The following UVRAG variants were observed in gnomAD, a reference collection of about 807,000 sequenced individuals.
UVRAG encodes UV radiation resistance-associated gene protein.
In UVRAG, 19 loss-of-function variants were observed where a neutral mutation model predicts 78.0. That is an observed-to-expected ratio of 0.24 (90% CI 0.17 to 0.36). The LOEUF (loss-of-function observed/expected upper bound fraction) is 0.36. Ranked by LOEUF, UVRAG falls within the 10% of genes least tolerant of loss-of-function variation. UVRAG has a pLI of 1.00. For synonymous variants in UVRAG, 323 were observed against 324.6 expected, an observed-to-expected ratio of 1.00 and a Z score of 0.05; for missense variants, 740 against 853.8, an observed-to-expected ratio of 0.87 and a Z score of 1.66.
intron 13 of UVRAG, among the ~76,000 whole-genome samples, chr11:76,097,252 G>T (rs1386258301): frequency 6.6e-6 from 1 of 152,032 alleles, no homozygotes; most frequent in Non-Finnish European, 1.5e-5. Context: ...TCAGAACCTT[G>T]CTTAAAATTT....
intron 12 of UVRAG, among the ~76,000 whole-genome samples, chr11:76,034,311 C>T (rs1165063401): frequency 2.0e-5 from 3 of 152,084 alleles, no homozygotes; most frequent in Admixed American, 6.5e-5. Flanking sequence ...CCCACCTCAG[C>T]CTCCCGAATA....
intron 3 of UVRAG, among the ~76,000 whole-genome samples, chr11:75,872,067 TAAC>T (rs1209349407): frequency 3.9e-5 from 6 of 152,346 alleles, no homozygotes; most frequent in African/African-American, 1.4e-4. Context: ...ACTTGATAGT[TAAC>T]AAGCTCTTTT....
rs149199286 is a variant in UVRAG at position 76,060,600 on chromosome 11, C to T, written c.1227-5110C>T. Among the ~76,000 whole-genome samples, 1,099 of 152,348 alleles carry T rather than the reference C, an allele frequency of 7.2e-3. 13 individuals carry two copies. The highest frequency in any genetic ancestry group is 0.025 in the African/African-American group (1,043 of 41,580). On this transcript the variant is annotated intron_variant, in intron 12 of 14. Coordinates refer to ENST00000356136, the MANE Select transcript of UVRAG (RefSeq NM_003369.4). The stretch of plus-strand genomic sequence containing the variant: ...AGCGGGAACCAGGGCTGCAGCACGG[C>T]GCTTGCGGGCCAGCTGGAGTTCCGG...
intron 3 of UVRAG, among the ~76,000 whole-genome samples, chr11:75,867,428 CT>C: frequency 6.6e-6 from 1 of 152,250 alleles, no homozygotes; most frequent in African/African-American, 2.4e-5. Flanking sequence ...CATGTTTCAA[CT>C]TTATGTAGTA....
At chr11:76,081,534 C>G (rs1366235887) in intron 13 of UVRAG, among the ~76,000 whole-genome samples, 1 of 151,980 alleles carries the variant, frequency 6.6e-6, no homozygotes, top group East Asian at 1.9e-4. Context: ...TTTTTCTAAG[C>G]CTTGGCTCCT....
chr11:76,116,048 G>A (rs1462949461), intron 14 of UVRAG, 33 bp downstream of exon 14: 4 of 1,590,680 alleles, frequency 2.5e-6, no homozygotes, highest in South Asian at 1.1e-5. Context: ...ACCAGAAACT[G>A]TAATGTGGAT....
At chr11:75,886,100 A>C (rs1947072494) in intron 4 of UVRAG, among the ~76,000 whole-genome samples, 1 of 152,176 alleles carries the variant, frequency 6.6e-6, no homozygotes, top group Non-Finnish European at 1.5e-5. Context: ...CCCTTCTCTG[A>C]AGAGTTCCTT....
intron 14 of UVRAG, among the ~76,000 whole-genome samples, chr11:76,140,238 C>T (rs1351632277): frequency 2.0e-5 from 3 of 151,346 alleles, no homozygotes; most frequent in East Asian, 3.9e-4. Flanking sequence ...CTCACTGCCT[C>T]ACTGAGCATG....
chr11:76,097,577 G>A (rs941098731), intron 13 of UVRAG, among the ~76,000 whole-genome samples: 9 of 151,958 alleles, frequency 5.9e-5, no homozygotes, highest in Non-Finnish European at 1.0e-4. Context: ...TTCTTTACTC[G>A]TTTTTACTGT....
At chr11:75,955,467 A>G (rs907029235) in intron 6 of UVRAG, among the ~76,000 whole-genome samples, 1 of 152,208 alleles carries the variant, frequency 6.6e-6, no homozygotes, top group Non-Finnish European at 1.5e-5. Context: ...GCCTAAGAAA[A>G]TGAACCTCTC....
At chr11:75,953,819 C>T (rs575998862) in intron 6 of UVRAG, among the ~76,000 whole-genome samples, 17 of 152,224 alleles carry the variant, frequency 1.1e-4, no homozygotes, top group South Asian at 4.2e-4. Context: ...GAATACCTAT[C>T]GGATAGCTAT....
At position 75,843,433 on chromosome 11, in the gene UVRAG, C is replaced by CT; in HGVS notation, c.118-8449dup. ...AAACCTTACAGTATAAGTTCTTTCC[C>CT]TAGTTGTAATCTTTGACAGTTTTAA... On this transcript the variant is annotated intron_variant, in intron 1 of 14. Transcript: ENST00000356136. Among the ~76,000 whole-genome samples the CT allele has an allele frequency of 2.6e-5, 4 of 152,266 alleles. No individual in the cohort carries two copies. The East Asian group carries it at 7.7e-4, about 29-fold the overall frequency.
chr11:76,104,769 T>C (rs1044017309), intron 13 of UVRAG, among the ~76,000 whole-genome samples: 1 of 152,246 alleles, frequency 6.6e-6, no homozygotes, highest in African/African-American at 2.4e-5. Context: ...GTATTTGTGG[T>C]CACTATACGT....
chr11:76,095,932 G>A (rs1951779296), intron 13 of UVRAG, among the ~76,000 whole-genome samples: 1 of 150,296 alleles, frequency 6.7e-6, no homozygotes, highest in Non-Finnish European at 1.5e-5. Context: ...TTACTGAGTA[G>A]CTCCTATCAG....
At chr11:76,014,932 G>A (rs903337956) in intron 11 of UVRAG, among the ~76,000 whole-genome samples, 1 of 152,126 alleles carries the variant, frequency 6.6e-6, no homozygotes, top group Non-Finnish European at 1.5e-5. Context: ...GTGGGACTGG[G>A]GCAAGAGGAC....
At chr11:76,013,163 A>G (rs1565119844) in intron 11 of UVRAG, 1 of 152,120 alleles carries the variant, frequency 6.6e-6, no homozygotes, top group Non-Finnish European at 1.5e-5. Flanking sequence ...AGTTTGTCCA[A>G]CATATAAATC....
At chr11:76,016,244 T>G (rs1203092071) in intron 11 of UVRAG, among the ~76,000 whole-genome samples, 1 of 152,202 alleles carries the variant, frequency 6.6e-6, no homozygotes, top group East Asian at 1.9e-4. Context: ...TTTTGCTGTT[T>G]AAAGCATTTT....
chr11:76,046,107 A>G (rs964082290), intron 12 of UVRAG, among the ~76,000 whole-genome samples: 4 of 152,218 alleles, frequency 2.6e-5, no homozygotes, highest in Admixed American at 2.0e-4. Flanking sequence ...ACAATCCTTC[A>G]AAGTACTGAG....
At chr11:75,820,769 T>G (rs1945369224) in intron 1 of UVRAG, among the ~76,000 whole-genome samples, 1 of 152,206 alleles carries the variant, frequency 6.6e-6, no homozygotes, top group South Asian at 2.1e-4. Context: ...TTCTTAGTTC[T>G]GAACAACTGT....
Sources: gnomAD v4.1 joint callset for allele counts (sites outside exome capture counted in the v4.1 genomes callset) on GRCh38, gnomAD v4.1.1 for gene constraint, MANE v1.5 for transcripts, NCBI Gene and HGNC (gene_info 2026-07-23, HGNC 2026-07-21) for gene names.